GLDC: variants seen among roughly 807,000 people sequenced by gnomAD.
GLDC encodes the protein glycine dehydrogenase (decarboxylating), mitochondrial.
GLDC carries 104 observed loss-of-function variants against 121.3 expected under a neutral mutation model. The observed-to-expected ratio is 0.86, with a 90% CI of 0.73 to 1.01. The LOEUF (loss-of-function observed/expected upper bound fraction) is 1.01. GLDC is among the 50% of genes least tolerant of loss of function. The pLI is 0.00. For synonymous variants in GLDC, 546 were observed against 480.6 expected (o/e 1.14, Z -1.78); for missense variants, 1,429 against 1,306.6 (o/e 1.09, Z -1.44).
intron 17 of GLDC, among the ~76,000 whole-genome samples, chr9:6,556,636 T>TA (rs1182216849): frequency 6.6e-6 from 1 of 151,912 alleles, no homozygotes; most frequent in Admixed American, 6.6e-5. Flanking sequence ...CTACTAAAAA[T>TA]ACAAAGATTA....
At chr9:6,588,508 A>G in intron 13 of GLDC, 66 bp from the exon 14 acceptor site, 5 of 1,480,316 alleles carry the variant, frequency 3.4e-6, no homozygotes, top group Non-Finnish European at 3.8e-6. Context: ...TCAACCCTCC[A>G]TTCTCCCAGC....
At chr9:6,587,380 G>A (rs1818292479) in intron 14 of GLDC, 97 bp from the exon 15 acceptor site, 1 of 926,110 alleles carries the variant, frequency 1.1e-6, no homozygotes, top group Non-Finnish European at 1.7e-6. Flanking sequence ...AAAGCTATGT[G>A]CCAGGCACTG....
In GLDC at chr9:6,620,071, A is replaced by C. The variant is rs974787493; in HGVS notation, c.470+113T>G. 3.0e-6 allele frequency: 3 copies of C among 994,686 alleles called. No individual in the cohort carries two copies. The African/African-American group carries it at 4.7e-5, about 16-fold the overall frequency. 61.6% of individuals were successfully genotyped at this position (994,686 alleles called of 1,614,324 possible). A position where few individuals can be genotyped will look rare whatever the true frequency, so the allele number is the denominator to read the frequency against. Reference sequence around the variant, plus strand: ...TAGGTTCCCGGACATTGGAGACAGCACTAGGAGGTGGGTGTCAGTGTGGAG... The same window carrying C: ...TAGGTTCCCGGACATTGGAGACAGCCCTAGGAGGTGGGTGTCAGTGTGGAG... On this transcript the variant is annotated intron_variant, in intron 3 of 24. Coordinates refer to ENST00000321612, the MANE Select transcript of GLDC (RefSeq NM_000170.3).
intron 21 of GLDC, chr9:6,540,959 C>T (rs1817245214): frequency 6.6e-6 from 1 of 152,170 alleles, no homozygotes; most frequent in African/African-American, 2.4e-5. Context: ...GAGTTCCAGA[C>T]CAGCCAGGGC....
chr9:6,589,190 CAA>C lies in GLDC; in HGVS notation c.1580+3_1580+4del, dbSNP rs1340475604. ...AAACGCAGAAGTCACACAAGACACA[CAA>C]ACCTGTTGAACACTTGATGGGTGAG... On this transcript the variant is annotated splice_donor_region_variant and intron_variant, in intron 12 of 24. Coordinates refer to ENST00000321612, the MANE Select transcript of GLDC (RefSeq NM_000170.3). 2 of 1,567,718 alleles carry C rather than the reference CAA, an allele frequency of 1.3e-6. No individual in the cohort carries two copies. The highest frequency in any genetic ancestry group is 1.8e-6 in the Non-Finnish European group (2 of 1,137,708).
At chr9:6,546,420 A>G (rs781214794) in intron 21 of GLDC, among the ~76,000 whole-genome samples, 90 of 146,252 alleles carry the variant, frequency 6.2e-4, no homozygotes, top group Non-Finnish European at 5.7e-4. Flanking sequence ...GGCTGGTCTC[A>G]GACTCCTGGG....
At chr9:6,603,037 G>C (rs144907544) in intron 7 of GLDC, among the ~76,000 whole-genome samples, 1 of 152,094 alleles carries the variant, frequency 6.6e-6, no homozygotes, top group African/African-American at 2.4e-5. Context: ...AGACCAGCCT[G>C]GCCAACATGG....
chr9:6,607,217 A>T (rs953161197), intron 4 of GLDC, among the ~76,000 whole-genome samples: 3 of 152,220 alleles, frequency 2.0e-5, no homozygotes, highest in Non-Finnish European at 2.9e-5. Flanking sequence ...AACAATTTTT[A>T]AAAAATGGTT....
chr9:6,581,021 A>G (rs1438235283), intron 15 of GLDC, among the ~76,000 whole-genome samples: 1 of 152,212 alleles, frequency 6.6e-6, no homozygotes, highest in Non-Finnish European at 1.5e-5. Context: ...GAACTCAAGC[A>G]TCTCTGCCTC....
At chr9:6,545,497 G>A (rs934835229) in intron 21 of GLDC, among the ~76,000 whole-genome samples, 1 of 152,192 alleles carries the variant, frequency 6.6e-6, no homozygotes, top group Non-Finnish European at 1.5e-5. Context: ...CTCTGGATGA[G>A]TCAGTGAGTG....
At chr9:6,537,145 C>G (rs969035499) in intron 22 of GLDC, among the ~76,000 whole-genome samples, 1 of 151,946 alleles carries the variant, frequency 6.6e-6, no homozygotes, top group African/African-American at 2.4e-5. Flanking sequence ...ATCCTCCCAC[C>G]TAAGCCTTCC....
chr9:6,587,050 C>T, intron 15 of GLDC, 91 bp downstream of exon 15: 2 of 1,064,492 alleles, frequency 1.9e-6, no homozygotes, highest in Non-Finnish European at 2.9e-6. Context: ...CAGAATAACA[C>T]AAAAAAGTTG....
intron 15 of GLDC, among the ~76,000 whole-genome samples, chr9:6,575,169 G>A (rs1248932596): frequency 6.7e-6 from 1 of 149,860 alleles, no homozygotes; most frequent in African/African-American, 2.5e-5. Flanking sequence ...TCATGCCACT[G>A]CACTCCAGCC....
chr9:6,642,224 G>A (rs954307831), intron 2 of GLDC, among the ~76,000 whole-genome samples: 3 of 152,140 alleles, frequency 2.0e-5, no homozygotes, highest in African/African-American at 7.2e-5. Flanking sequence ...TGTCACAGAA[G>A]CTGCTAGGTT....
chr9:6,609,773 T>G (rs1232192111), intron 4 of GLDC, among the ~76,000 whole-genome samples: 2 of 151,990 alleles, frequency 1.3e-5, no homozygotes, highest in Non-Finnish European at 2.9e-5. Flanking sequence ...TTGAGAGACC[T>G]CACCCTGTCC....
At chr9:6,620,061 T>G (rs1405908904) in intron 3 of GLDC, 123 bp downstream of exon 3, 2 of 935,832 alleles carry the variant, frequency 2.1e-6, no homozygotes, top group East Asian at 2.4e-5. Flanking sequence ...TCCCGGACAT[T>G]GGAGACAGCA....
At chr9:6,636,934 A>G (rs1819515477) in intron 2 of GLDC, among the ~76,000 whole-genome samples, 1 of 151,766 alleles carries the variant, frequency 6.6e-6, no homozygotes. Flanking sequence ...AAATACAAAA[A>G]TTAGCTGGCT....
At chr9:6,620,109 C>A in intron 3 of GLDC, 75 bp downstream of exon 3, 3 of 1,466,150 alleles carry the variant, frequency 2.0e-6, no homozygotes, top group Non-Finnish European at 2.9e-6. Context: ...TCTGAGACTG[C>A]AAGGGGACAG....
In GLDC at chr9:6,532,699, A is replaced by ATAGCC. The variant is rs901195780; in HGVS notation, c.*313_*317dup. The stretch of plus-strand genomic sequence containing the variant: ...AAAAAATGTCTATTAAGTCTCCAGG[A>ATAGCC]TAGCCTCTATGACATCTGCAAACTT... On this transcript the variant is annotated 3_prime_UTR_variant, in exon 25 of 25. Transcript: ENST00000321612. The ATAGCC allele has an allele frequency of 1.1e-5, 4 of 363,940 alleles. No homozygotes were observed. The highest frequency in any genetic ancestry group is 8.3e-5 in the African/African-American group (4 of 48,088). 22.5% of individuals were successfully genotyped at this position (363,940 alleles called of 1,614,324 possible). A position where few individuals can be genotyped will look rare whatever the true frequency, so the allele number is the denominator to read the frequency against.
Sources: allele counts gnomAD v4.1 joint callset (sites outside exome capture counted in the v4.1 genomes callset), GRCh38; gene constraint gnomAD v4.1.1; transcripts MANE v1.5; gene names NCBI Gene and HGNC (gene_info 2026-07-23, HGNC 2026-07-21).